Variants in SGCZ observed in about 807,000 individuals in gnomAD.
SGCZ encodes zeta-sarcoglycan.
SGCZ carries 40 observed loss-of-function variants against 41.3 expected under a neutral mutation model. That is an observed-to-expected ratio of 0.97 (90% confidence interval 0.75 to 1.26). SGCZ has a LOEUF of 1.26. Ranked by LOEUF, SGCZ falls within the 50% of genes most tolerant of loss-of-function variation. The probability of loss-of-function intolerance (pLI) is 0.00; values close to 1 mark genes in which losing one functional copy is unlikely to be tolerated. For missense variants in SGCZ, 552 were observed against 369.8 expected (o/e 1.49, Z -4.04); for synonymous variants, 206 against 137.5 (o/e 1.50, Z -3.49).
intron 4 of SGCZ, among the ~76,000 whole-genome samples, chr8:14,228,758 T>A (rs572056980): frequency 6.6e-5 from 10 of 152,180 alleles, no homozygotes; most frequent in Admixed American, 4.6e-4. Flanking sequence ...TTATATACCC[T>A]CAAGACTAGA....
At chr8:15,185,435 C>T (rs970032851) in intron 1 of SGCZ, among the ~76,000 whole-genome samples, 1 of 152,200 alleles carries the variant, frequency 6.6e-6, no homozygotes, top group Non-Finnish European at 1.5e-5. Context: ...TAAGTACTCA[C>T]TGAGACACTG....
intron 1 of SGCZ, among the ~76,000 whole-genome samples, chr8:14,981,318 T>C (rs1450865603): frequency 2.6e-5 from 4 of 152,198 alleles, no homozygotes; most frequent in Non-Finnish European, 5.9e-5. Flanking sequence ...CAAAACTGAA[T>C]ACGTTGTCTT....
intron 3 of SGCZ, among the ~76,000 whole-genome samples, chr8:14,271,780 G>T (rs909684153): frequency 1.3e-5 from 2 of 152,122 alleles, no homozygotes; most frequent in African/African-American, 2.4e-5. Context: ...TGAAGATCCT[G>T]ATTCATATCT....
intron 1 of SGCZ, among the ~76,000 whole-genome samples, chr8:15,151,963 C>T (rs571972443): frequency 2.0e-5 from 3 of 152,252 alleles, no homozygotes; most frequent in East Asian, 3.9e-4. Context: ...AGCCAACGAC[C>T]TGACGTGATA....
chr8:14,682,300 T>C (rs1003898827), intron 1 of SGCZ, among the ~76,000 whole-genome samples: 2 of 152,246 alleles, frequency 1.3e-5, no homozygotes, highest in African/African-American at 4.8e-5. Flanking sequence ...ACTTTGAGTA[T>C]GAAAAGCAAT....
intron 1 of SGCZ, among the ~76,000 whole-genome samples, chr8:15,118,657 G>C (rs1322625875): frequency 6.6e-6 from 1 of 152,054 alleles, no homozygotes; most frequent in Non-Finnish European, 1.5e-5. Flanking sequence ...ATAAGGTTGA[G>C]ACCCTCTGAT....
intron 1 of SGCZ, among the ~76,000 whole-genome samples, chr8:15,060,619 A>G (rs932988263): frequency 6.6e-6 from 1 of 151,250 alleles, no homozygotes; most frequent in African/African-American, 2.4e-5. Context: ...ACATGTATAC[A>G]TAGGTAACAA....
chr8:14,801,516 A>C (rs993627298), intron 1 of SGCZ, among the ~76,000 whole-genome samples: 5 of 152,236 alleles, frequency 3.3e-5, no homozygotes, highest in Non-Finnish European at 7.3e-5. Flanking sequence ...AAGTACAGAC[A>C]GATTATGTTT....
chr8:14,287,863 T>A (rs937649104), intron 3 of SGCZ, among the ~76,000 whole-genome samples: 3 of 152,076 alleles, frequency 2.0e-5, no homozygotes, highest in Admixed American at 6.6e-5. Context: ...TGAGTCTTCA[T>A]TTGCAGTAAT....
At chr8:14,256,203 G>C (rs1799460175) in intron 3 of SGCZ, among the ~76,000 whole-genome samples, 1 of 152,022 alleles carries the variant, frequency 6.6e-6, no homozygotes, top group Non-Finnish European at 1.5e-5. Context: ...TAACCTTGGA[G>C]CCCAGGATTT....
intron 2 of SGCZ, among the ~76,000 whole-genome samples, chr8:14,466,373 A>T (rs929352732): frequency 6.6e-6 from 1 of 151,992 alleles, no homozygotes; most frequent in Non-Finnish European, 1.5e-5. Context: ...GTGAAGAGTC[A>T]CTTGTCTTTT....
intron 2 of SGCZ, among the ~76,000 whole-genome samples, chr8:14,515,963 A>G (rs983181574): frequency 2.0e-5 from 3 of 152,040 alleles, no homozygotes; most frequent in Admixed American, 6.6e-5. Context: ...CTTGTTGGAA[A>G]TAACTTAGTA....
intron 5 of SGCZ, among the ~76,000 whole-genome samples, chr8:14,151,766 A>G (rs991413872): frequency 6.6e-6 from 1 of 152,140 alleles, no homozygotes; most frequent in Non-Finnish European, 1.5e-5. Context: ...AGATATTCTG[A>G]TTCATAGAAT....
rs73531387 is a variant in SGCZ at position 14,314,422 on chromosome 8, T to C, written c.336+9681A>G. Among the ~76,000 whole-genome samples, 274 of 152,250 alleles carry C rather than the reference T, an allele frequency of 1.8e-3. 2 individuals are homozygous for C. Among genetic ancestry groups the C allele is most frequent in the African/African-American group, 6.2e-3 (258 of 41,552 alleles). On this transcript the variant is annotated intron_variant, in intron 3 of 7. Transcript: ENST00000382080. ...TCTGAATATGTAAAAAAGATATTTG[T>C]AGAGTGTGAATTGTCAGAAAACAAT...
At chr8:14,772,097 C>A (rs750302084) in intron 1 of SGCZ, among the ~76,000 whole-genome samples, 1 of 152,008 alleles carries the variant, frequency 6.6e-6, no homozygotes, top group Non-Finnish European at 1.5e-5. Flanking sequence ...ATATAGTATT[C>A]AATAAGTTAC....
At chr8:14,265,445 T>C (rs1490418374) in intron 3 of SGCZ, among the ~76,000 whole-genome samples, 1 of 152,226 alleles carries the variant, frequency 6.6e-6, no homozygotes, top group African/African-American at 2.4e-5. Context: ...CTATGTGTGA[T>C]GCTAACATCA....
chr8:14,852,610 T>C (rs1168092991), intron 1 of SGCZ, among the ~76,000 whole-genome samples: 1 of 152,220 alleles, frequency 6.6e-6, no homozygotes, highest in Non-Finnish European at 1.5e-5. Flanking sequence ...GAACAATTTA[T>C]TGACTTTTTT....
At chr8:14,174,915 T>C (rs761913773) in intron 4 of SGCZ, among the ~76,000 whole-genome samples, 16 of 152,160 alleles carry the variant, frequency 1.1e-4, no homozygotes, top group Non-Finnish European at 1.8e-4. Flanking sequence ...ATCTTCCCTT[T>C]TGATGGATCT....
intron 1 of SGCZ, among the ~76,000 whole-genome samples, chr8:15,124,948 A>G (rs1454580): frequency 0.41 from 61,984 of 151,924 alleles, 13,368 homozygotes; most frequent in African/African-American, 0.56. Flanking sequence ...GCTATGAATT[A>G]TGAAAAAAAA....
Sources: allele counts gnomAD v4.1 joint callset (sites outside exome capture counted in the v4.1 genomes callset), GRCh38; gene constraint gnomAD v4.1.1; transcripts MANE v1.5; gene names NCBI Gene and HGNC (gene_info 2026-07-23, HGNC 2026-07-21).